The following EGFLAM variants were observed in gnomAD, a reference collection of about 807,000 sequenced individuals.
EGFLAM encodes the protein EGF like, fibronectin type III and laminin G domains, also known as pikachurin.
EGFLAM carries 79 observed loss-of-function variants against 113.1 expected under a neutral mutation model. The observed-to-expected ratio is 0.70, with a 90% CI of 0.58 to 0.84. The LOEUF (loss-of-function observed/expected upper bound fraction) is 0.84. Ranked by LOEUF, EGFLAM falls within the 40% of genes least tolerant of loss-of-function variation. The pLI, the probability that EGFLAM is intolerant of heterozygous loss-of-function variation, is 0.00. For synonymous variants in EGFLAM, 504 were observed against 487.6 expected (o/e 1.03, Z -0.44); for missense variants, 1,265 against 1,291.6 (o/e 0.98, Z 0.32).
At position 38,434,526 on chromosome 5, in the gene EGFLAM, G is replaced by T. The variant is rs575206593; in HGVS notation, c.2167-611G>T. The stretch of plus-strand genomic sequence containing the variant: ...TGCTACTATTTGTATTTATTTTATC[G>T]TAAATCAAAGAAAATAATAACTTAA... On this transcript the variant is annotated intron_variant, in intron 15 of 21. Transcript: ENST00000322350. Among the ~76,000 whole-genome samples, 22 of 152,218 alleles carry T rather than the reference G, an allele frequency of 1.4e-4. No individual in the cohort carries two copies. In the East Asian group the frequency reaches 4.2e-3, roughly 29 times the overall value.
intron 12 of EGFLAM, among the ~76,000 whole-genome samples, chr5:38,421,298 C>T (rs1192209757): frequency 6.6e-6 from 1 of 152,202 alleles, no homozygotes; most frequent in East Asian, 1.9e-4. Context: ...TCAGAAATCT[C>T]AGCAAATTTT....
rs563050966 is a variant in EGFLAM at position 38,352,139 on chromosome 5, C to A, written c.410-57C>A. 2.5e-6 allele frequency: 4 copies of A among 1,610,018 alleles called. No individual in the cohort carries two copies. In the African/African-American group the frequency reaches 4.0e-5, roughly 16 times the overall value. ...GAGACCACCAGCCTAGCCCATTAAA[C>A]CTCTCCAACGGCTGAGACCACCAGC... On this transcript the variant is annotated intron_variant, in intron 4 of 21. Coordinates refer to ENST00000322350, the MANE Select transcript of EGFLAM (RefSeq NM_152403.4).
At chr5:38,384,299 ACT>A (rs1000677874) in intron 6 of EGFLAM, among the ~76,000 whole-genome samples, 9 of 151,874 alleles carry the variant, frequency 5.9e-5, no homozygotes, top group African/African-American at 1.9e-4. Flanking sequence ...AGATTATGTG[ACT>A]CTCTGAAGGT....
At chr5:38,341,261 A>G (rs1316409308) in intron 3 of EGFLAM, among the ~76,000 whole-genome samples, 4 of 152,230 alleles carry the variant, frequency 2.6e-5, no homozygotes, top group Admixed American at 2.6e-4. Context: ...AAAGAGGTTT[A>G]AATGACTCAC....
chr5:38,367,528 G>A lies in EGFLAM; in HGVS notation c.546-2768G>A, dbSNP rs1740094909. Among the ~76,000 whole-genome samples, 6 of 152,016 alleles carry A rather than the reference G, an allele frequency of 3.9e-5. No homozygotes were observed. The South Asian group carries it at 1.2e-3, about 32-fold the overall frequency. Reference sequence around the variant, plus strand: ...GGCCTTCCAAAGTGCTGGGATTACAGGCTTGAGCCACCCCACCAGATGGCC... The same window carrying A: ...GGCCTTCCAAAGTGCTGGGATTACAAGCTTGAGCCACCCCACCAGATGGCC... On this transcript the variant is annotated intron_variant, in intron 5 of 21. Transcript: ENST00000322350.
intron 3 of EGFLAM, among the ~76,000 whole-genome samples, chr5:38,346,126 T>G (rs947330858): frequency 1.3e-5 from 2 of 152,164 alleles, no homozygotes; most frequent in Admixed American, 1.3e-4. Flanking sequence ...GCACCCAAGC[T>G]GAAGGTAGCA....
rs1742424379 is a variant in EGFLAM at position 38,438,376 on chromosome 5, TG to T, written c.2390del (p.Gly797AlafsTer28). The T allele has an allele frequency of 6.2e-7, 1 of 1,613,968 alleles. No individual in the cohort carries two copies. Among genetic ancestry groups the T allele is most frequent in the South Asian group, 1.1e-5 (1 of 90,982 alleles). ...CCTGTGTGAGAGCCCCTTGTGCCCA[TG>T]GGGGCAGCTGCCGGCCCAGGAAGGA... ...HPCVRAPCAH[G>X]GSCRPRKEGY... On this transcript the variant is annotated frameshift_variant, in exon 17 of 22. Transcript: ENST00000322350. LOFTEE classifies it high-confidence loss of function.
chr5:38,312,244 T>C (rs1022793281), intron 1 of EGFLAM, among the ~76,000 whole-genome samples: 1 of 114,198 alleles, frequency 8.8e-6, no homozygotes, highest in Non-Finnish European at 1.7e-5. Context: ...GTATCTCAGA[T>C]TTTTTTTTTT....
chr5:38,332,281 T>G (rs1739063272), intron 1 of EGFLAM, among the ~76,000 whole-genome samples: 1 of 152,204 alleles, frequency 6.6e-6, no homozygotes, highest in African/African-American at 2.4e-5. Context: ...TGGTTTGTTT[T>G]CTTTTTTTAT....
chr5:38,396,235 A>G (rs764974063), intron 6 of EGFLAM, among the ~76,000 whole-genome samples: 1 of 150,614 alleles, frequency 6.6e-6, no homozygotes, highest in Non-Finnish European at 1.5e-5. Context: ...TGTGATATGT[A>G]CTGCCAGATT....
intron 1 of EGFLAM, among the ~76,000 whole-genome samples, chr5:38,332,467 C>T (rs555978412): frequency 3.3e-5 from 5 of 152,180 alleles, no homozygotes; most frequent in East Asian, 1.9e-4. Flanking sequence ...ACCCCAGTGC[C>T]GAGACCAGCT....
chr5:38,288,147 A>G (rs1758215101), intron 1 of EGFLAM, among the ~76,000 whole-genome samples: 1 of 152,196 alleles, frequency 6.6e-6, no homozygotes, highest in Non-Finnish European at 1.5e-5. Flanking sequence ...ATAGATTTTT[A>G]TTAATGTAGT....
chr5:38,371,943 C>T (rs940133627), intron 6 of EGFLAM, among the ~76,000 whole-genome samples: 8 of 152,130 alleles, frequency 5.3e-5, no homozygotes, highest in Non-Finnish European at 1.2e-4. Flanking sequence ...CCCCATCCAC[C>T]CTCCCCATGG....
At chr5:38,408,956 A>G (rs779801873) in intron 9 of EGFLAM, 48 bp from the exon 10 acceptor site, 15 of 1,469,232 alleles carry the variant, frequency 1.0e-5, no homozygotes, top group Non-Finnish European at 1.4e-5. Context: ...TGCCTTAAGG[A>G]AGGGGAGGTG....
chr5:38,404,952 G>T (rs568226715), intron 6 of EGFLAM, among the ~76,000 whole-genome samples: 7 of 152,156 alleles, frequency 4.6e-5, no homozygotes, highest in Non-Finnish European at 7.3e-5. Context: ...GAATAAAAAT[G>T]CCAACTGAAT....
intron 6 of EGFLAM, among the ~76,000 whole-genome samples, chr5:38,397,602 A>G (rs1294293438): frequency 6.6e-6 from 1 of 151,372 alleles, no homozygotes; most frequent in African/African-American, 2.4e-5. Flanking sequence ...ATCAGATTCA[A>G]TATTTTCTAA....
At chr5:38,378,958 G>A (rs1740438553) in intron 6 of EGFLAM, among the ~76,000 whole-genome samples, 1 of 152,194 alleles carries the variant, frequency 6.6e-6, no homozygotes, top group Non-Finnish European at 1.5e-5. Flanking sequence ...TCCATGCCTA[G>A]TTACTAAAGG....
intron 1 of EGFLAM, chr5:38,282,316 G>A (rs533957697): frequency 6.6e-6 from 1 of 152,226 alleles, no homozygotes; most frequent in Non-Finnish European, 1.5e-5. Context: ...ATAAGGGGAG[G>A]GGAAGTGAGA....
chr5:38,400,946 T>C (rs1741095269), intron 6 of EGFLAM: 1 of 152,220 alleles, frequency 6.6e-6, no homozygotes, highest in Admixed American at 6.5e-5. Flanking sequence ...TGTGATTCCA[T>C]ATTCCTTTTC....
Sources: allele counts gnomAD v4.1 joint callset (sites outside exome capture counted in the v4.1 genomes callset), GRCh38; gene constraint gnomAD v4.1.1; transcripts MANE v1.5; gene names NCBI Gene and HGNC (gene_info 2026-07-23, HGNC 2026-07-21).